The following GHR variants were observed in gnomAD, a reference collection of about 807,000 sequenced individuals.
The protein encoded by GHR is GH receptor.
GHR carries 35 observed loss-of-function variants against 67.1 expected under a neutral mutation model. The ratio of observed to expected loss-of-function variants is 0.52; its 90% CI spans 0.40 to 0.69. The LOEUF (loss-of-function observed/expected upper bound fraction) is 0.69. GHR is among the 30% of genes least tolerant of loss of function. GHR has a pLI of 0.00. For synonymous variants in GHR, 272 were observed against 269.1 expected, an observed-to-expected ratio of 1.01 and a Z score of -0.10; for missense variants, 792 against 764.6, an observed-to-expected ratio of 1.04 and a Z score of -0.42.
intron 3 of GHR, among the ~76,000 whole-genome samples, chr5:42,667,870 C>T (rs1471862399): frequency 4.6e-5 from 7 of 152,172 alleles, no homozygotes; most frequent in Non-Finnish European, 5.9e-5. Context: ...CCTATTCTTA[C>T]TCCTCCCTGA....
intron 2 of GHR, among the ~76,000 whole-genome samples, chr5:42,609,992 G>C (rs899553529): frequency 2.6e-5 from 4 of 152,114 alleles, no homozygotes; most frequent in Admixed American, 2.6e-4. Context: ...AAAGGGCCTT[G>C]ACAGCTAAGG....
At chr5:42,619,510 C>G (rs1283937903) in intron 2 of GHR, 1 of 152,194 alleles carries the variant, frequency 6.6e-6, no homozygotes, top group East Asian at 1.9e-4. Context: ...TGTGTTCATC[C>G]CCGTACACAC....
At position 42,582,442 on chromosome 5, in the gene GHR, G is replaced by A. The variant is rs928309795; in HGVS notation, c.70+16498G>A. Among the ~76,000 whole-genome samples, 109 of 152,354 alleles carry A rather than the reference G, an allele frequency of 7.2e-4. 1 individual carries two copies. The highest frequency in any genetic ancestry group is 2.5e-3 in the African/African-American group (106 of 41,592). On this transcript the variant is annotated intron_variant, in intron 2 of 9. Coordinates refer to ENST00000230882, the MANE Select transcript of GHR (RefSeq NM_000163.5). The stretch of plus-strand genomic sequence containing the variant: ...TCCAAACTCGGGCAGATGTCGGGAT[G>A]ACCTGCCTATGGATAAGAGCTACCC...
chr5:42,471,664 T>C (rs2112102515), intron 1 of GHR, among the ~76,000 whole-genome samples: 1 of 152,312 alleles, frequency 6.6e-6, no homozygotes, highest in East Asian at 1.9e-4. Flanking sequence ...ATTAAATGAT[T>C]TTATATTTGT....
chr5:42,529,164 A>G (rs186942418), intron 1 of GHR, among the ~76,000 whole-genome samples: 1 of 152,218 alleles, frequency 6.6e-6, no homozygotes, highest in East Asian at 1.9e-4. Context: ...GGTGCCCACC[A>G]CAATGCCCAG....
At chr5:42,488,426 G>A (rs547624623) in intron 1 of GHR, among the ~76,000 whole-genome samples, 22 of 152,218 alleles carry the variant, frequency 1.4e-4, no homozygotes, top group African/African-American at 3.9e-4. Context: ...TATGCTATGC[G>A]CACAATTACT....
At chr5:42,635,837 G>A (rs964143604) in intron 3 of GHR, among the ~76,000 whole-genome samples, 4 of 152,000 alleles carry the variant, frequency 2.6e-5, no homozygotes, top group Non-Finnish European at 4.4e-5. Context: ...TATTTCTTTT[G>A]GAACTCAAAC....
intron 2 of GHR, among the ~76,000 whole-genome samples, chr5:42,609,988 C>T (rs7709790): frequency 2.6e-5 from 4 of 152,024 alleles, no homozygotes; most frequent in African/African-American, 9.6e-5. Context: ...CATGAAAGGG[C>T]CTTGACAGCT....
At chr5:42,575,517 G>C (rs1750608672) in intron 2 of GHR, among the ~76,000 whole-genome samples, 1 of 152,078 alleles carries the variant, frequency 6.6e-6, no homozygotes, top group South Asian at 2.1e-4. Context: ...AGTGGTGTGG[G>C]TGGGTAGAAG....
chr5:42,532,393 A>C (rs1748015858), intron 1 of GHR, among the ~76,000 whole-genome samples: 1 of 151,596 alleles, frequency 6.6e-6, no homozygotes, highest in African/African-American at 2.4e-5. Flanking sequence ...ATTTTAGCAT[A>C]CAAAGGAGGC....
intron 1 of GHR, among the ~76,000 whole-genome samples, chr5:42,478,635 T>C (rs1353947321): frequency 6.6e-6 from 1 of 152,224 alleles, no homozygotes; most frequent in African/African-American, 2.4e-5. Context: ...TATTTTATTC[T>C]CTTTGAAGCA....
intron 3 of GHR, among the ~76,000 whole-genome samples, chr5:42,676,759 G>A (rs983109671): frequency 1.3e-5 from 2 of 152,096 alleles, no homozygotes; most frequent in African/African-American, 2.4e-5. Context: ...TTATTAAAAG[G>A]GGGCTTAAGG....
intron 3 of GHR, among the ~76,000 whole-genome samples, chr5:42,635,663 C>T (rs1017864228): frequency 2.0e-5 from 3 of 151,960 alleles, no homozygotes; most frequent in African/African-American, 7.3e-5. Context: ...TTTTTTATCC[C>T]CCTTCAACTT....
intron 1 of GHR, among the ~76,000 whole-genome samples, chr5:42,560,666 A>G (rs551187016): frequency 6.6e-6 from 1 of 152,188 alleles, no homozygotes; most frequent in South Asian, 2.1e-4. Flanking sequence ...GCTTCCCACT[A>G]GCCGTTTCTC....
intron 2 of GHR, among the ~76,000 whole-genome samples, chr5:42,577,750 G>A (rs1750837031): frequency 6.6e-6 from 1 of 152,172 alleles, no homozygotes; most frequent in South Asian, 2.1e-4. Context: ...GAAGTACCCA[G>A]GTGCTAGCTA....
chr5:42,503,436 G>A (rs1746625655), intron 1 of GHR, among the ~76,000 whole-genome samples: 1 of 152,212 alleles, frequency 6.6e-6, no homozygotes, highest in Non-Finnish European at 1.5e-5. Flanking sequence ...AAGGTTAGAA[G>A]TGGTTGAAAG....
intron 5 of GHR, among the ~76,000 whole-genome samples, chr5:42,699,491 A>C (rs934114697): frequency 2.3e-4 from 35 of 152,218 alleles, no homozygotes; most frequent in African/African-American, 8.4e-4. Flanking sequence ...TTTCAAGTGA[A>C]AATAAATTCC....
chr5:42,665,321 A>C (rs1455391028), intron 3 of GHR, among the ~76,000 whole-genome samples: 3 of 152,246 alleles, frequency 2.0e-5, no homozygotes, highest in Admixed American at 1.3e-4. Context: ...GGCACTATTC[A>C]CAATAGCAAA....
At chr5:42,493,004 T>A (rs1335821659) in intron 1 of GHR, among the ~76,000 whole-genome samples, 1 of 152,186 alleles carries the variant, frequency 6.6e-6, no homozygotes, top group Non-Finnish European at 1.5e-5. Flanking sequence ...GAATGTGTAA[T>A]GGGAAGTCAA....
Sources: gnomAD v4.1 joint callset for allele counts (sites outside exome capture counted in the v4.1 genomes callset) on GRCh38, gnomAD v4.1.1 for gene constraint, MANE v1.5 for transcripts, NCBI Gene and HGNC (gene_info 2026-07-23, HGNC 2026-07-21) for gene names.